EPN1: variants seen among roughly 807,000 people sequenced by gnomAD.
The protein encoded by EPN1 is epsin-1.
A neutral mutation model predicts 56.9 loss-of-function variants in EPN1; 25 were observed. The ratio of observed to expected loss-of-function variants is 0.44; its 90% CI spans 0.32 to 0.61. EPN1 has a LOEUF of 0.61. Ranked by LOEUF, EPN1 falls within the 20% of genes least tolerant of loss-of-function variation. The pLI is 0.05. For synonymous variants in EPN1, 411 were observed against 361.8 expected (o/e 1.14, Z -1.54); for missense variants, 785 against 823.7 (o/e 0.95, Z 0.58).
intron 7 of EPN1, 141 bp downstream of exon 7, chr19:55,692,198 G>A (rs944658296): frequency 7.1e-5 from 53 of 741,398 alleles, no homozygotes; most frequent in Non-Finnish European, 1.0e-4. Flanking sequence ...AGGGGGCAAG[G>A]GCGGGGGTCA....
Position 55,684,675 on chromosome 19 carries a change from A to G in EPN1, c.229-721A>G, listed in dbSNP as rs117932307. 7.4e-3 allele frequency among the ~76,000 whole-genome samples: 1,122 copies of G among 152,294 alleles called. 12 individuals carry two copies. The highest frequency in any genetic ancestry group is 0.01 in the Non-Finnish European group (704 of 68,020). ...TCCCTTCTTGCAGAGGTGATAAACTACTGCTCCAGGCTGTTAGTACCAGCG... is the reference window on the plus strand; with the variant it reads ...TCCCTTCTTGCAGAGGTGATAAACTGCTGCTCCAGGCTGTTAGTACCAGCG... On this transcript the variant is annotated intron_variant, in intron 2 of 10. Coordinates refer to ENST00000270460, the MANE Select transcript of EPN1 (RefSeq NM_001130072.2).
At position 55,678,815 on chromosome 19, in the gene EPN1, G is replaced by A. The variant is rs779010791; in HGVS notation, c.188G>A (p.Arg63Gln). The change falls in exon 2 of 11, where the codon CGG (arginine) becomes CAG (glutamine). Residue 63 changes from arginine to glutamine, a missense_variant. Arg to Gln is a conservative substitution (Grantham distance 43, BLOSUM62 1). This residue lies in a region of EPN1 where 135 missense variants were observed against 218.7 expected (regional missense o/e 0.62). Coordinates refer to ENST00000270460, the MANE Select transcript of EPN1 (RefSeq NM_001130072.2). ...GAGATCATGAGCATGATCTGGAAGC[G>A]GCTCAATGACCATGGCAAGAACTGG... Reference protein sequence around the residue: ...FSEIMSMIWKRLNDHGKNWRH... With the variant: ...FSEIMSMIWKQLNDHGKNWRH... The A allele has an allele frequency of 6.2e-7, 1 of 1,613,732 alleles. No homozygotes were observed. Among genetic ancestry groups the A allele is most frequent in the Non-Finnish European group, 8.5e-7 (1 of 1,179,742 alleles).
In EPN1 at chr19:55,704,948, C is replaced by T. The variant is rs1324281106; in HGVS notation, c.*9592C>T. On this transcript the variant is annotated 3_prime_UTR_variant, in exon 11 of 11. Coordinates refer to ENST00000270460, the MANE Select transcript of EPN1 (RefSeq NM_001130072.2). ...AGCATCTCTGGCTGAATGCTGTTCT[C>T]ATCCACTTCCCAAGCATCTCTGGCT... is the stretch of plus-strand genomic sequence containing the variant. 6.6e-6 allele frequency: 1 copy of T among 152,286 alleles called. No individual in the cohort carries two copies. The highest frequency in any genetic ancestry group is 1.5e-5 in the Non-Finnish European group (1 of 68,070). 9.4% of individuals were successfully genotyped at this position (152,286 alleles called of 1,614,324 possible). A position where few individuals can be genotyped will look rare whatever the true frequency, so the allele number is the denominator to read the frequency against.
At chr19:55,685,264 T>G in intron 2 of EPN1, 132 bp from the exon 3 acceptor site, 1 of 1,108,598 alleles carries the variant, frequency 9.0e-7, no homozygotes, top group African/African-American at 1.5e-5. Context: ...GACAGATGTG[T>G]GTCCACCCAC....
intron 3 of EPN1, 146 bp downstream of exon 3, chr19:55,685,791 T>C (rs1986132297): frequency 2.7e-6 from 3 of 1,098,418 alleles, no homozygotes; most frequent in African/African-American, 1.6e-5. Flanking sequence ...GGCCCCTTGC[T>C]CTGGTCTCAC....
intron 3 of EPN1, among the ~76,000 whole-genome samples, chr19:55,686,045 C>T (rs188785767): frequency 2.8e-4 from 42 of 152,266 alleles, no homozygotes; most frequent in African/African-American, 7.2e-4. Context: ...CAGAGGGGGG[C>T]CTGGAAGAGG....
At chr19:55,687,967 T>G (rs1986277207) in intron 3 of EPN1, among the ~76,000 whole-genome samples, 1 of 150,166 alleles carries the variant, frequency 6.7e-6, no homozygotes, top group African/African-American at 2.5e-5. Flanking sequence ...GCCTGGGGAG[T>G]GGGTTGGGTG....
At chr19:55,685,121 C>T (rs903471312) in intron 2 of EPN1, among the ~76,000 whole-genome samples, 2 of 152,258 alleles carry the variant, frequency 1.3e-5, no homozygotes, top group Non-Finnish European at 2.9e-5. Flanking sequence ...GGATGATTCA[C>T]GTCGATGGAA....
intron 1 of EPN1, 77 bp from the exon 2 acceptor site, chr19:55,678,450 G>A (rs1377836163): frequency 7.2e-7 from 1 of 1,382,468 alleles, no homozygotes; most frequent in Non-Finnish European, 9.7e-7. Context: ...CCACAGTTAG[G>A]AACTCATCTT....
intron 3 of EPN1, among the ~76,000 whole-genome samples, chr19:55,688,506 G>A (rs951024801): frequency 6.6e-6 from 1 of 152,160 alleles, no homozygotes; most frequent in East Asian, 1.9e-4. Flanking sequence ...AAACCTGGGA[G>A]GAAGGACCTC....
Position 55,694,618 on chromosome 19 carries a change from C to T in EPN1, c.1265-108C>T. The stretch of plus-strand genomic sequence containing the variant: ...CCTCAGTTCCTCCTTCCCGAGGCCT[C>T]TGGGCACCGGGCTCTTTGAAGCGCC... On this transcript the variant is annotated intron_variant, in intron 9 of 10. Transcript: ENST00000270460. The surrounding 1 kb of genome is among the most constrained non-coding windows in gnomAD (Gnocchi z 4.2). 2 of 1,362,070 alleles carry T rather than the reference C, an allele frequency of 1.5e-6. No homozygotes were observed. Among genetic ancestry groups the T allele is most frequent in the Non-Finnish European group, 1.9e-6 (2 of 1,035,428 alleles). 84.4% of individuals were successfully genotyped at this position (1,362,070 alleles called of 1,614,324 possible).
rs1987046989 is a variant in EPN1 at position 55,699,554 on chromosome 19, A to G, written c.*4198A>G. 6.6e-6 allele frequency: 1 copy of G among 152,004 alleles called. No individual in the cohort carries two copies. Among genetic ancestry groups the G allele is most frequent in the Non-Finnish European group, 1.5e-5 (1 of 67,996 alleles). The allele number at this position is 152,004 out of a possible 1,614,324, so 9.4% of individuals were successfully genotyped here. A position where few individuals can be genotyped will look rare whatever the true frequency, so the allele number is the denominator to read the frequency against. ...CAAGGATTGGCTGCTTGCTTTTGTA[A>G]AAAAAAATGTTTTATTAGAGTGCAG... is the stretch of plus-strand genomic sequence containing the variant. On this transcript the variant is annotated 3_prime_UTR_variant, in exon 11 of 11. Coordinates refer to ENST00000270460, the MANE Select transcript of EPN1 (RefSeq NM_001130072.2).
At chr19:55,679,881 C>G (rs1472101891) in intron 2 of EPN1, among the ~76,000 whole-genome samples, 2 of 152,182 alleles carry the variant, frequency 1.3e-5, no homozygotes, top group Admixed American at 6.5e-5. Context: ...CTTGGAAAAC[C>G]CTGGAGGTGC....
intron 1 of EPN1, 158 bp from the exon 2 acceptor site, chr19:55,678,369 G>A (rs1204162678): frequency 2.9e-6 from 1 of 340,938 alleles, no homozygotes; most frequent in African/African-American, 2.2e-5. Flanking sequence ...GAGGCAGCCT[G>A]TTTGAGGAAC....
At chr19:55,676,919 T>G in intron 1 of EPN1, 4 of 433,404 alleles carry the variant, frequency 9.2e-6, no homozygotes, top group Non-Finnish European at 1.7e-5. Flanking sequence ...CTGTCAGAAC[T>G]GTCTTCTATT....
chr19:55,678,865 C>T lies in EPN1; in HGVS notation c.228+10C>T. 6 of 1,586,424 alleles carry T rather than the reference C, an allele frequency of 3.8e-6. No homozygotes were observed. Among genetic ancestry groups the T allele is most frequent in the Non-Finnish European group, 5.2e-6 (6 of 1,160,800 alleles). ...GCGTCACGTTTACAAGGTCAGCATC[C>T]TGCTCTCCTCCCCGGGCAGGTGCAG... On this transcript the variant is annotated intron_variant, in intron 2 of 10. Transcript: ENST00000270460.
At position 55,699,124 on chromosome 19, in the gene EPN1, T is replaced by C. The variant is rs1379128504; in HGVS notation, c.*3768T>C. 6.6e-6 allele frequency: 1 copy of C among 152,202 alleles called. No homozygotes were observed. The highest frequency in any genetic ancestry group is 1.5e-5 in the Non-Finnish European group (1 of 68,048). The allele number at this position is 152,202 out of a possible 1,614,324, so 9.4% of individuals were successfully genotyped here. ...GCACAACGCGCAGGTTTGTTACATATATATACATGTGCCATGTTGGTGTGC... is the reference window on the plus strand; with the variant it reads ...GCACAACGCGCAGGTTTGTTACATACATATACATGTGCCATGTTGGTGTGC... On this transcript the variant is annotated 3_prime_UTR_variant, in exon 11 of 11. Coordinates refer to ENST00000270460, the MANE Select transcript of EPN1 (RefSeq NM_001130072.2).
At position 55,689,146 on chromosome 19, in the gene EPN1, C is replaced by T. The variant is rs539739121; in HGVS notation, c.604-151C>T. ...CCCCAGTCCTGCCTCATCCTCACCC[C>T]GCCGTCCCTCTGCGTGTCACTCTCT... On this transcript the variant is annotated intron_variant, in intron 4 of 10. Transcript: ENST00000270460. The surrounding 1 kb of genome is among the most constrained non-coding windows in gnomAD (Gnocchi z 5.7). The T allele has an allele frequency of 3.2e-5, 38 of 1,184,300 alleles. No homozygotes were observed. The African/African-American group carries it at 4.1e-4, about 13-fold the overall frequency. 73.4% of individuals were successfully genotyped at this position (1,184,300 alleles called of 1,614,324 possible). A position where few individuals can be genotyped will look rare whatever the true frequency, so the allele number is the denominator to read the frequency against.
Position 55,688,904 on chromosome 19 carries a change from C to G in EPN1, c.513C>G (p.Pro171=), listed in dbSNP as rs571085361. 5.1e-6 allele frequency: 8 copies of G among 1,582,186 alleles called. No homozygotes were observed. The highest frequency in any genetic ancestry group is 4.0e-5 in the African/African-American group (3 of 74,398). ...CAGCTGTGGGCTCAGGCCCCCCTCC[C>G]GAGGCGGAGCAGGCGTGGCCGCAGA... The part of the protein sequence containing the change: ...SSAAVGSGPP[P]EAEQAWPQSS... Residue 171 remains proline (P), a synonymous_variant, in exon 4 of 11, where the codon CCC becomes CCG. Coordinates refer to ENST00000270460, the MANE Select transcript of EPN1 (RefSeq NM_001130072.2).
Sources: allele counts gnomAD v4.1 joint callset (sites outside exome capture counted in the v4.1 genomes callset), GRCh38; gene constraint gnomAD v4.1.1; regional missense constraint gnomAD v4.1.1; non-coding constraint Gnocchi (gnomAD v3.1); transcripts MANE v1.5; gene names NCBI Gene and HGNC (gene_info 2026-07-23, HGNC 2026-07-21).